PIK3C2G: variants seen among roughly 807,000 people sequenced by gnomAD.
PIK3C2G encodes phosphatidylinositol 3-kinase C2 domain-containing subunit gamma.
A neutral mutation model predicts 181.1 loss-of-function variants in PIK3C2G; 168 were observed. The ratio of observed to expected loss-of-function variants is 0.93; its 90% CI spans 0.82 to 1.05. The LOEUF is 1.05. Ranked by LOEUF, PIK3C2G falls within the 50% of genes least tolerant of loss-of-function variation. The pLI is 0.00. For missense variants in PIK3C2G, 1,869 were observed against 1,732.8 expected, an observed-to-expected ratio of 1.08 and a Z score of -1.40; for synonymous variants, 573 against 592.2, an observed-to-expected ratio of 0.97 and a Z score of 0.47.
chr12:18,286,166 G>A (rs773570826), intron 2 of PIK3C2G, among the ~76,000 whole-genome samples: 10 of 151,996 alleles, frequency 6.6e-5, no homozygotes, highest in African/African-American at 9.6e-5. Flanking sequence ...GTTTTAAAAC[G>A]CATAAGGCAA....
chr12:18,634,737 C>A (rs144679347), intron 31 of PIK3C2G, among the ~76,000 whole-genome samples: 288 of 152,240 alleles, frequency 1.9e-3, no homozygotes, highest in African/African-American at 6.6e-3. Flanking sequence ...ACCCACTGGG[C>A]AATGACAGGG....
chr12:18,557,306 G>GAC (rs145585152), intron 26 of PIK3C2G, among the ~76,000 whole-genome samples: 17 of 151,268 alleles, frequency 1.1e-4, no homozygotes, highest in South Asian at 4.2e-4. Flanking sequence ...CCAGAGAATT[G>GAC]ACACACACAC....
downstream of PIK3C2G, among the ~76,000 whole-genome samples, chr12:18,650,744 A>ATATATC (rs1565602882): frequency 5.2e-4 from 22 of 41,962 alleles, no homozygotes; most frequent in Non-Finnish European, 7.9e-5. Context: ...ATATATATAT[A>ATATATC]TATATATATA....
At chr12:18,499,455 G>T (rs572491625) in intron 22 of PIK3C2G, among the ~76,000 whole-genome samples, 33 of 152,276 alleles carry the variant, frequency 2.2e-4, no homozygotes, top group African/African-American at 7.9e-4. Flanking sequence ...CAGTTTCCAC[G>T]AAGTTTCCAT....
rs1330310486 is a variant in PIK3C2G at position 18,598,804 on chromosome 12, A to G, written c.4087+4235A>G. ...AATGAACTCAAACAAATTTACAAGA[A>G]AAAACAAACAACCCCATCAAAAAGT... On this transcript the variant is annotated intron_variant, in intron 30 of 32. Transcript: ENST00000538779. Among the ~76,000 whole-genome samples, 4 of 151,644 alleles carry G rather than the reference A, an allele frequency of 2.6e-5. No homozygotes were observed. In the East Asian group the frequency reaches 7.8e-4, roughly 30 times the overall value.
intron 16 of PIK3C2G, among the ~76,000 whole-genome samples, chr12:18,420,110 A>G (rs1478365540): frequency 6.6e-6 from 1 of 152,110 alleles, no homozygotes; most frequent in Non-Finnish European, 1.5e-5. Context: ...TTTTTTTCTA[A>G]AAAATTGTTT....
At chr12:18,244,556 T>C (rs1334687781), upstream of PIK3C2G, among the ~76,000 whole-genome samples, 1 of 152,032 alleles carries the variant, frequency 6.6e-6, no homozygotes, top group Non-Finnish European at 1.5e-5. Flanking sequence ...ATCCAATCAT[T>C]TTCTCTGCAT....
At chr12:18,495,782 A>G (rs1432420687) in intron 20 of PIK3C2G, among the ~76,000 whole-genome samples, 1 of 152,152 alleles carries the variant, frequency 6.6e-6, no homozygotes, top group African/African-American at 2.4e-5. Context: ...AACCTCAAAC[A>G]TATCACTACT....
At chr12:18,395,910 T>C (rs1943862723) in intron 15 of PIK3C2G, among the ~76,000 whole-genome samples, 1 of 136,682 alleles carries the variant, frequency 7.3e-6, no homozygotes, top group African/African-American at 2.8e-5. Flanking sequence ...AAATGAAATA[T>C]AACAGGAAAA....
Position 18,549,697 on chromosome 12 carries a change from T to C in PIK3C2G, c.3590+3265T>C, listed in dbSNP as rs551600151. Among the ~76,000 whole-genome samples, 11 of 152,158 alleles carry C rather than the reference T, an allele frequency of 7.2e-5. 1 individual carries two copies. The South Asian group carries it at 2.3e-3, about 32-fold the overall frequency. Reference sequence around the variant, plus strand: ...ACAAAGATATATTCTCCAGCCTTTCTCAGGCACTCATCCTTTTATCCGGAA... The same window carrying C: ...ACAAAGATATATTCTCCAGCCTTTCCCAGGCACTCATCCTTTTATCCGGAA... On this transcript the variant is annotated intron_variant, in intron 26 of 32. Transcript: ENST00000538779.
At chr12:18,699,738 T>C in the PIK3C2G span, 3 of 1,488,250 alleles carry the variant, frequency 2.0e-6, no homozygotes, top group Non-Finnish European at 2.8e-6. Flanking sequence ...CTTAACACCC[T>C]AGCAGTGAAT....
At chr12:18,260,001 T>A (rs1051554312), upstream of PIK3C2G, among the ~76,000 whole-genome samples, 1 of 152,150 alleles carries the variant, frequency 6.6e-6, no homozygotes, top group African/African-American at 2.4e-5. Context: ...CAAGGAAAGA[T>A]AAATTATTGA....
intron 18 of PIK3C2G, among the ~76,000 whole-genome samples, chr12:18,431,612 CA>C (rs1946162469): frequency 6.6e-6 from 1 of 152,146 alleles, no homozygotes; most frequent in African/African-American, 2.4e-5. Context: ...CTCCCTGAAG[CA>C]AGGGGAAAGA....
intron 29 of PIK3C2G, among the ~76,000 whole-genome samples, chr12:18,585,567 C>A (rs1046609817): frequency 6.6e-6 from 1 of 152,174 alleles, no homozygotes; most frequent in African/African-American, 2.4e-5. Flanking sequence ...TAGAGACCTA[C>A]ACAGAGATTA....
chr12:18,615,132 C>T (rs539680001), intron 31 of PIK3C2G, among the ~76,000 whole-genome samples: 9 of 152,050 alleles, frequency 5.9e-5, no homozygotes, highest in Admixed American at 5.3e-4. Context: ...CCACCCTTCC[C>T]CCCAAGTCCC....
chr12:18,717,037 A>G, the PIK3C2G span, among the ~76,000 whole-genome samples: 3 of 152,268 alleles, frequency 2.0e-5, no homozygotes, highest in East Asian at 5.8e-4. Context: ...ACACTATATT[A>G]TGCCACTAGT....
At chr12:18,469,779 A>T (rs1174809802) in intron 18 of PIK3C2G, among the ~76,000 whole-genome samples, 1 of 11,292 alleles carries the variant, frequency 8.9e-5, no homozygotes, top group Admixed American at 4.4e-4. Flanking sequence ...GTCTCTCTTT[A>T]AAAAAAAAAA....
intron 16 of PIK3C2G, among the ~76,000 whole-genome samples, chr12:18,403,140 C>T (rs1280121640): frequency 2.0e-5 from 3 of 152,102 alleles, no homozygotes; most frequent in African/African-American, 7.2e-5. Flanking sequence ...AATAGGAGCA[C>T]TTAGCGATCT....
chr12:18,617,335 C>G (rs1948649096), intron 31 of PIK3C2G, among the ~76,000 whole-genome samples: 1 of 152,028 alleles, frequency 6.6e-6, no homozygotes, highest in Non-Finnish European at 1.5e-5. Context: ...GAACTATAGA[C>G]TCTCTGACTT....
Sources: gnomAD v4.1 joint callset for allele counts (sites outside exome capture counted in the v4.1 genomes callset) on GRCh38, gnomAD v4.1.1 for gene constraint, MANE v1.5 for transcripts, NCBI Gene and HGNC (gene_info 2026-07-23, HGNC 2026-07-21) for gene names.